Variants in CCDC88C observed in about 807,000 individuals in gnomAD.
CCDC88C encodes protein Daple.
A neutral mutation model predicts 198.8 loss-of-function variants in CCDC88C; 131 were observed. That is an observed-to-expected ratio of 0.66 (90% CI 0.57 to 0.76). The LOEUF is 0.76. CCDC88C is among the 30% of genes least tolerant of loss of function. The pLI, the probability that CCDC88C is intolerant of heterozygous loss-of-function variation, is 0.00. For synonymous variants in CCDC88C, 1,166 were observed against 1,114.7 expected, an observed-to-expected ratio of 1.05 and a Z score of -0.92; for missense variants, 2,553 against 2,631.6, an observed-to-expected ratio of 0.97 and a Z score of 0.65.
intron 29 of CCDC88C, among the ~76,000 whole-genome samples, chr14:91,275,957 G>A (rs1889945121): frequency 6.6e-6 from 1 of 151,466 alleles, no homozygotes; most frequent in African/African-American, 2.4e-5. Context: ...GTGTAGCTGG[G>A]ACTACAGGCG....
chr14:91,404,547 C>T (rs1886378876), intron 3 of CCDC88C, among the ~76,000 whole-genome samples: 1 of 152,222 alleles, frequency 6.6e-6, no homozygotes, highest in African/African-American at 2.4e-5. Context: ...ATCTGCATCT[C>T]TAACAAGCTC....
rs1340440175 is a variant in CCDC88C, at chr14:91,313,001, C to T, written c.2736+79G>A. The T allele has an allele frequency of 2.7e-6, 3 of 1,095,666 alleles. No individual in the cohort carries two copies. The South Asian group carries it at 4.8e-5, about 17-fold the overall frequency. 67.9% of individuals were successfully genotyped at this position (1,095,666 alleles called of 1,614,324 possible). A position where few individuals can be genotyped will look rare whatever the true frequency, so the allele number is the denominator to read the frequency against. On this transcript the variant is annotated intron_variant, in intron 15 of 29. Transcript: ENST00000389857. This position sits in a 1 kb window ranked among gnomAD's most constrained non-coding sequence, Gnocchi z 5.2. ...TTAAGGAGGACACAGAGTCTTATTT[C>T]TCTCCTGAAACCATGCACCACAGAA...
Position 91,316,436 on chromosome 14 carries a change from T to C in CCDC88C, c.1528-649A>G, listed in dbSNP as rs550427775. ...AGATTCTGACTCAACCTTTTTTTTT[T>C]TTTGAGATGGAGTTTTGCTCTTGTC... On this transcript the variant is annotated intron_variant, in intron 13 of 29. Transcript: ENST00000389857. 1.1e-4 allele frequency among the ~76,000 whole-genome samples: 16 copies of C among 152,206 alleles called. No individual in the cohort carries two copies. In the South Asian group the frequency reaches 3.1e-3, roughly 30 times the overall value.
chr14:91,347,299 T>C (rs935830523), intron 4 of CCDC88C, among the ~76,000 whole-genome samples: 6 of 152,136 alleles, frequency 3.9e-5, no homozygotes, highest in African/African-American at 1.2e-4. Flanking sequence ...GTAGAATCAT[T>C]TGGACAACTC....
intron 4 of CCDC88C, among the ~76,000 whole-genome samples, chr14:91,347,048 A>G (rs945530746): frequency 1.3e-5 from 2 of 152,050 alleles, no homozygotes; most frequent in Non-Finnish European, 2.9e-5. Flanking sequence ...TGCTCATCAC[A>G]TGCCCATGCT....
chr14:91,397,397 C>CA (rs2139993712), intron 3 of CCDC88C, among the ~76,000 whole-genome samples: 2 of 152,336 alleles, frequency 1.3e-5, no homozygotes, highest in East Asian at 3.9e-4. Flanking sequence ...GGTCTTGACT[C>CA]AAGTCCTAGA....
rs1167214998 is a variant in CCDC88C at position 91,284,569 on chromosome 14, A to C, written c.4442-1052T>G. The stretch of plus-strand genomic sequence containing the variant: ...AACAGTTAGCATGAGCAGCGAACAG[A>C]GAAAGCACAATTCCAACAGCATGCG... On this transcript the variant is annotated intron_variant, in intron 25 of 29. Transcript: ENST00000389857. This position sits in a 1 kb window ranked among gnomAD's most constrained non-coding sequence, Gnocchi z 4.1. 6.6e-6 allele frequency among the ~76,000 whole-genome samples: 1 copy of C among 152,224 alleles called. No homozygotes were observed. Among genetic ancestry groups the C allele is most frequent in the Non-Finnish European group, 1.5e-5 (1 of 68,034 alleles).
intron 4 of CCDC88C, among the ~76,000 whole-genome samples, chr14:91,356,209 AT>A (rs1161655413): frequency 3.2e-4 from 48 of 152,334 alleles, no homozygotes; most frequent in Non-Finnish European, 6.2e-4. Context: ...TGGTGTCTGC[AT>A]CTTCCTGCTG....
At chr14:91,379,074 C>T (rs1406272562) in intron 3 of CCDC88C, 1 of 152,216 alleles carries the variant, frequency 6.6e-6, no homozygotes. Flanking sequence ...CCAAAGTCAG[C>T]ACAGCAATTT....
At chr14:91,411,789 C>T (rs1886801502) in intron 2 of CCDC88C, among the ~76,000 whole-genome samples, 1 of 152,002 alleles carries the variant, frequency 6.6e-6, no homozygotes, top group Non-Finnish European at 1.5e-5. Context: ...ATGGTGAAAC[C>T]CTGTCTCCAC....
rs139739057 is a variant in CCDC88C, at chr14:91,381,054, G to A, written c.271-21343C>T. 6.6e-6 allele frequency among the ~76,000 whole-genome samples: 1 copy of A among 152,350 alleles called. No individual in the cohort carries two copies. Among genetic ancestry groups the A allele is most frequent in the Non-Finnish European group, 1.5e-5 (1 of 68,036 alleles). ...AAAAATGGACCACAAACAGGGCTGTGAAGCAGTGTGTGCCCTGGTCCACCC... is the reference window on the plus strand; with the variant it reads ...AAAAATGGACCACAAACAGGGCTGTAAAGCAGTGTGTGCCCTGGTCCACCC... On this transcript the variant is annotated intron_variant, in intron 3 of 29. Coordinates refer to ENST00000389857, the MANE Select transcript of CCDC88C (RefSeq NM_001080414.4). This position sits in a 1 kb window ranked among gnomAD's most constrained non-coding sequence, Gnocchi z 4.2.
chr14:91,363,502 C>A (rs1894399095), intron 3 of CCDC88C, among the ~76,000 whole-genome samples: 1 of 152,044 alleles, frequency 6.6e-6, no homozygotes, highest in Admixed American at 6.5e-5. Flanking sequence ...ACTGGAAATA[C>A]TTGACTGTTT....
chr14:91,294,158 G>C lies in CCDC88C; in HGVS notation c.4112+15C>G. The C allele has an allele frequency of 6.2e-7, 1 of 1,613,528 alleles. No homozygotes were observed. Among genetic ancestry groups the C allele is most frequent in the East Asian group, 2.2e-5 (1 of 44,872 alleles). On this transcript the variant is annotated intron_variant, in intron 23 of 29. Transcript: ENST00000389857. ...GGTGAGGGTGCGGAGAGGGGTTCAGGGACTCCCTGCTTACATGTACTGCTT... is the reference window on the plus strand; with the variant it reads ...GGTGAGGGTGCGGAGAGGGGTTCAGCGACTCCCTGCTTACATGTACTGCTT...
intron 5 of CCDC88C, among the ~76,000 whole-genome samples, chr14:91,343,164 A>C (rs535547592): frequency 9.9e-5 from 15 of 152,256 alleles, no homozygotes; most frequent in African/African-American, 3.4e-4. Flanking sequence ...CTATGTTGCC[A>C]AGGCTGGTCT....
chr14:91,312,549 G>A (rs571149525), intron 15 of CCDC88C, among the ~76,000 whole-genome samples: 1 of 152,176 alleles, frequency 6.6e-6, no homozygotes, highest in South Asian at 2.1e-4. Flanking sequence ...GCCAGGTGTG[G>A]TAGTGTGCAT....
intron 16 of CCDC88C, 59 bp downstream of exon 16, chr14:91,309,800 G>C (rs1228529073): frequency 7.7e-6 from 12 of 1,552,808 alleles, no homozygotes; most frequent in Non-Finnish European, 1.1e-5. Context: ...TGAGGAGCCT[G>C]CAGACTGAAC....
At position 91,279,242 on chromosome 14, in the gene CCDC88C, T is replaced by A; in HGVS notation, c.4764A>T (p.Leu1588=). 1.9e-6 allele frequency: 3 copies of A among 1,593,878 alleles called. No individual in the cohort carries two copies. The highest frequency in any genetic ancestry group is 2.6e-6 in the Non-Finnish European group (3 of 1,168,662). The change falls in exon 28 of 30, where the codon CTA becomes CTT. Residue 1588 remains leucine, a synonymous_variant. Transcript: ENST00000389857. ...ACACAGAAGCACAAGACTTACCTTT[T>A]AGGTTAAGAGGTGAGCTGTTGCTGG... The part of the protein sequence containing the change: ...NTSSNSSPLN[L]KGSSEQLHGR...
intron 4 of CCDC88C, among the ~76,000 whole-genome samples, chr14:91,354,392 C>T (rs1893950308): frequency 6.6e-6 from 1 of 152,238 alleles, no homozygotes; most frequent in Non-Finnish European, 1.5e-5. Context: ...CTAGCTCCAT[C>T]CAGCATCCTC....
At chr14:91,291,945 T>C (rs922808736) in intron 23 of CCDC88C, among the ~76,000 whole-genome samples, 6 of 152,152 alleles carry the variant, frequency 3.9e-5, no homozygotes, top group East Asian at 1.9e-4. Flanking sequence ...CCACAGTGCA[T>C]TCGGAGCCGC....
Sources: gnomAD v4.1 joint callset for allele counts (sites outside exome capture counted in the v4.1 genomes callset) on GRCh38, gnomAD v4.1.1 for gene constraint, Gnocchi (gnomAD v3.1) non-coding constraint, MANE v1.5 for transcripts, NCBI Gene and HGNC (gene_info 2026-07-23, HGNC 2026-07-21) for gene names.